SGCZ: variants seen among roughly 807,000 people sequenced by gnomAD.
SGCZ encodes the protein sarcoglycan zeta, also known as zeta-sarcoglycan.
A neutral mutation model predicts 41.3 loss-of-function variants in SGCZ; 40 were observed. The observed-to-expected ratio is 0.97, with a 90% CI of 0.75 to 1.26. The LOEUF is 1.26. Among genes scored for constraint, SGCZ ranks in the 50% most tolerant of loss-of-function variants. The pLI is 0.00. For synonymous variants in SGCZ, 206 were observed against 137.5 expected (o/e 1.50, Z -3.49); for missense variants, 552 against 369.8 (o/e 1.49, Z -4.04).
At chr8:15,101,951 T>C (rs1238642881) in intron 1 of SGCZ, among the ~76,000 whole-genome samples, 3 of 152,044 alleles carry the variant, frequency 2.0e-5, no homozygotes, top group African/African-American at 7.2e-5. Flanking sequence ...GTAAAATTAC[T>C]TTGGAAGAGA....
rs553489304 is a variant in SGCZ at position 15,026,888 on chromosome 8, A to G, written c.39+210697T>C. On this transcript the variant is annotated intron_variant, in intron 1 of 7. Transcript: ENST00000382080. ...AGATGAGGTAGAATATTGAAGCGCT[A>G]ACAGCATAAGTCCCTTCTGTTTACT... 5.9e-5 allele frequency among the ~76,000 whole-genome samples: 9 copies of G among 152,328 alleles called. No individual in the cohort carries two copies. In the South Asian group the frequency reaches 1.9e-3, roughly 32 times the overall value.
At chr8:14,471,923 A>C (rs1260750295) in intron 2 of SGCZ, among the ~76,000 whole-genome samples, 4 of 152,068 alleles carry the variant, frequency 2.6e-5, no homozygotes, top group African/African-American at 7.2e-5. Context: ...ATACATCATC[A>C]TCTGAGATAC....
At chr8:14,775,062 G>T (rs553731585) in intron 1 of SGCZ, among the ~76,000 whole-genome samples, 1 of 152,228 alleles carries the variant, frequency 6.6e-6, no homozygotes, top group South Asian at 2.1e-4. Context: ...ATACTAAATT[G>T]TAAAGAAAAT....
chr8:14,908,089 A>C (rs1316610128), intron 1 of SGCZ, among the ~76,000 whole-genome samples: 1 of 152,146 alleles, frequency 6.6e-6, no homozygotes, highest in East Asian at 1.9e-4. Context: ...TTTGTTACTT[A>C]TGTAGCATAT....
At chr8:14,655,120 T>C (rs1807523291) in intron 1 of SGCZ, among the ~76,000 whole-genome samples, 1 of 152,106 alleles carries the variant, frequency 6.6e-6, no homozygotes, top group Non-Finnish European at 1.5e-5. Context: ...CTAAGCTTAT[T>C]TTATGAGCAA....
At chr8:14,314,012 G>A (rs992709707) in intron 3 of SGCZ, among the ~76,000 whole-genome samples, 5 of 150,862 alleles carry the variant, frequency 3.3e-5, no homozygotes, top group African/African-American at 9.7e-5. Flanking sequence ...GTTTATAAAG[G>A]CAATTAAATT....
intron 1 of SGCZ, among the ~76,000 whole-genome samples, chr8:14,866,268 G>A (rs114466083): frequency 0.024 from 3,689 of 152,128 alleles, 54 homozygotes; most frequent in Middle Eastern, 0.048. Flanking sequence ...AGTTTATTGT[G>A]AAGTTTGCTG....
intron 2 of SGCZ, among the ~76,000 whole-genome samples, chr8:14,516,344 G>C (rs1049462770): frequency 6.6e-6 from 1 of 151,484 alleles, no homozygotes; most frequent in African/African-American, 2.4e-5. Context: ...TTCCTTCTTC[G>C]TGTTAATAAG....
At chr8:14,890,870 T>C (rs1804986898) in intron 1 of SGCZ, among the ~76,000 whole-genome samples, 1 of 152,194 alleles carries the variant, frequency 6.6e-6, no homozygotes, top group South Asian at 2.1e-4. Context: ...TCCAAAATCC[T>C]CAGGCTCTTC....
intron 3 of SGCZ, among the ~76,000 whole-genome samples, chr8:14,268,917 C>T (rs1482676046): frequency 6.6e-6 from 1 of 151,528 alleles, no homozygotes; most frequent in Non-Finnish European, 1.5e-5. Context: ...AAATATAATA[C>T]ATATTTTTAT....
chr8:14,133,332 T>TAACA (rs1803097756), intron 5 of SGCZ, among the ~76,000 whole-genome samples: 1 of 152,228 alleles, frequency 6.6e-6, no homozygotes, highest in Non-Finnish European at 1.5e-5. Context: ...TCTTTTAACC[T>TAACA]AACATCTGTC....
intron 1 of SGCZ, among the ~76,000 whole-genome samples, chr8:14,984,713 C>A (rs369930462): frequency 3.2e-4 from 49 of 152,204 alleles, no homozygotes; most frequent in African/African-American, 1.1e-3. Flanking sequence ...AAAAATTTGA[C>A]CGAGGTTTCT....
intron 2 of SGCZ, among the ~76,000 whole-genome samples, chr8:14,465,536 G>T (rs1475524352): frequency 6.6e-6 from 1 of 151,562 alleles, no homozygotes; most frequent in Non-Finnish European, 1.5e-5. Flanking sequence ...TAACTTCTGT[G>T]ATTTTCTTTT....
At chr8:14,603,886 A>G (rs1805667650) in intron 1 of SGCZ, among the ~76,000 whole-genome samples, 2 of 152,176 alleles carry the variant, frequency 1.3e-5, no homozygotes, top group Admixed American at 1.3e-4. Context: ...TTCAAAAACA[A>G]TATGATGAAA....
intron 1 of SGCZ, among the ~76,000 whole-genome samples, chr8:15,213,728 C>T (rs867157127): frequency 2.0e-5 from 3 of 151,486 alleles, no homozygotes; most frequent in African/African-American, 7.3e-5. Flanking sequence ...TTAACATAAA[C>T]CCCATTAACT....
At chr8:14,825,609 A>C (rs1802277260) in intron 1 of SGCZ, among the ~76,000 whole-genome samples, 1 of 152,192 alleles carries the variant, frequency 6.6e-6, no homozygotes, top group South Asian at 2.1e-4. Context: ...AGTCAAATTA[A>C]TTAACTCATT....
intron 2 of SGCZ, among the ~76,000 whole-genome samples, chr8:14,341,908 T>A (rs1053792219): frequency 6.6e-6 from 1 of 152,212 alleles, no homozygotes; most frequent in African/African-American, 2.4e-5. Flanking sequence ...CAGCTTCAGG[T>A]CTGGCTTTAT....
At chr8:14,961,909 C>A (rs370595287) in intron 1 of SGCZ, among the ~76,000 whole-genome samples, 1 of 152,158 alleles carries the variant, frequency 6.6e-6, no homozygotes, top group African/African-American at 2.4e-5. Context: ...AGGAGCAAGC[C>A]AATGTATGTC....
At chr8:14,619,905 C>A (rs1402419861) in intron 1 of SGCZ, among the ~76,000 whole-genome samples, 1 of 152,106 alleles carries the variant, frequency 6.6e-6, no homozygotes, top group African/African-American at 2.4e-5. Context: ...CATCAAGCTA[C>A]CAATGCCTTT....
Sources: allele counts gnomAD v4.1 joint callset (sites outside exome capture counted in the v4.1 genomes callset), GRCh38; gene constraint gnomAD v4.1.1; transcripts MANE v1.5; gene names NCBI Gene and HGNC (gene_info 2026-07-23, HGNC 2026-07-21).